AHNAK2: variants seen among roughly 807,000 people sequenced by gnomAD.
AHNAK2 encodes AHNAK nucleoprotein 2.
In AHNAK2, 18 loss-of-function variants were observed where a neutral mutation model predicts 30.7. That is an observed-to-expected ratio of 0.59 (90% confidence interval 0.41 to 0.87). AHNAK2 has a LOEUF of 0.87. Among genes scored for constraint, AHNAK2 ranks in the 40% least tolerant of loss-of-function variants. The pLI, the probability that AHNAK2 is intolerant of heterozygous loss-of-function variation, is 0.00. For synonymous variants in AHNAK2, 3,590 were observed against 3,073.8 expected, an observed-to-expected ratio of 1.17 and a Z score of -5.56; for missense variants, 8,604 against 7,373.0, an observed-to-expected ratio of 1.17 and a Z score of -6.11.
intron 5 of AHNAK2, 128 bp from the exon 6 acceptor site, chr14:104,955,269 GT>G (rs1898938084): frequency 7.7e-7 from 1 of 1,304,492 alleles, no homozygotes; most frequent in South Asian, 1.4e-5. Flanking sequence ...TGCCCCACCA[GT>G]CCCCCACTGA....
chr14:104,974,429 G>A (rs138459237), intron 1 of AHNAK2, among the ~76,000 whole-genome samples: 44 of 152,352 alleles, frequency 2.9e-4, no homozygotes, highest in Middle Eastern at 3.4e-3. Flanking sequence ...CCCCGTCCCA[G>A]ATGCACTGGG....
At position 104,950,064 on chromosome 14, in the gene AHNAK2, G is replaced by T; in HGVS notation, c.5387C>A (p.Pro1796Gln). 1.3e-6 allele frequency: 2 copies of T among 1,585,958 alleles called. No homozygotes were observed. The highest frequency in any genetic ancestry group is 1.7e-6 in the Non-Finnish European group (2 of 1,162,688). Residue 1796 changes from proline (P) to glutamine (Q), a missense_variant, in exon 7 of 7, where the codon CCA becomes CAA. Pro to Gln is a moderately conservative substitution (Grantham distance 76). Transcript: ENST00000333244. ...LPSVEVDVEA[P>Q]GAKLDSVRLE... ...CCGCACACTGTCCAGCTTGGCTCCT[G>T]GAGCCTCGACGTCCACCTCCACGCT...
chr14:104,963,373 G>A (rs750955852), intron 1 of AHNAK2, among the ~76,000 whole-genome samples: 23 of 152,230 alleles, frequency 1.5e-4, no homozygotes, highest in Middle Eastern at 3.4e-3. Flanking sequence ...ATTAATCTTC[G>A]CCCCACCTCA....
Position 104,940,098 on chromosome 14 carries a change from G to A in AHNAK2, c.15353C>T (p.Ala5118Val), listed in dbSNP as rs1897934058. ...ATCATGTTTGGGAAGAGGCAGGTCA[G>A]CTTCAGGCTGGCTCACCTCCACCTT... is the stretch of plus-strand genomic sequence containing the variant. ...KAKVEVSQPE[A>V]DLPLPKHDLS... The change falls in exon 7 of 7, where the codon GCT becomes GTT. Residue 5118 changes from alanine to valine, a missense_variant. Transcript: ENST00000333244. This position sits in a 1 kb window ranked among gnomAD's most constrained non-coding sequence, Gnocchi z 4.4. 2 of 1,613,134 alleles carry A rather than the reference G, an allele frequency of 1.2e-6. No individual in the cohort carries two copies. The highest frequency in any genetic ancestry group is 8.5e-7 in the Non-Finnish European group (1 of 1,179,892).
Position 104,952,275 on chromosome 14 carries a change from G to C in AHNAK2, c.3176C>G (p.Ala1059Gly), listed in dbSNP as rs779782626. The C allele has an allele frequency of 6.2e-7, 1 of 1,612,604 alleles. No individual in the cohort carries two copies. The highest frequency in any genetic ancestry group is 8.5e-7 in the Non-Finnish European group (1 of 1,179,624). ...QPASTDLKVQ[A>G]DQVDVKLPEG... Reference sequence around the variant, plus strand: ...CGGGAGCTTCACATCCACCTGGTCAGCCTGGACCTTCAGGTCAGTAGAAGC... The same window carrying C: ...CGGGAGCTTCACATCCACCTGGTCACCCTGGACCTTCAGGTCAGTAGAAGC... The change falls in exon 7 of 7, where the codon GCT becomes GGT. Residue 1059 changes from alanine (A) to glycine (G), a missense_variant. Ala to Gly is a moderately conservative substitution (Grantham distance 60). Coordinates refer to ENST00000333244, the MANE Select transcript of AHNAK2 (RefSeq NM_138420.4).
rs769617100 is a variant in AHNAK2, at chr14:104,945,497, G to A, written c.9954C>T (p.Tyr3318=). 6 of 1,613,172 alleles carry A rather than the reference G, an allele frequency of 3.7e-6. No homozygotes were observed. In the Admixed American group the frequency reaches 1.0e-4, roughly 27 times the overall value. Residue 3318 remains tyrosine (Y), a synonymous_variant, in exon 7 of 7, where the codon TAC becomes TAT. Transcript: ENST00000333244. Reference sequence around the variant, plus strand: ...TGGACTTGCCTGGGGCAGACGCCCTGTACGACGGCATCTTGAATTTGGGCA... The same window carrying A: ...TGGACTTGCCTGGGGCAGACGCCCTATACGACGGCATCTTGAATTTGGGCA... ...FKMPKFKMPS[Y]RASAPGKSIQ...
rs1449286713 is a variant in AHNAK2 at position 104,948,544 on chromosome 14, C to A, written c.6907G>T (p.Asp2303Tyr). 5.6e-6 allele frequency: 9 copies of A among 1,612,184 alleles called. No individual in the cohort carries two copies. The highest frequency in any genetic ancestry group is 7.6e-6 in the Non-Finnish European group (9 of 1,179,680). The change falls in exon 7 of 7, where the codon GAC (aspartate) becomes TAC (tyrosine). Residue 2303 changes from aspartate to tyrosine, a missense_variant. Physicochemically the swap from Asp to Tyr is radical, Grantham distance 160. Transcript: ENST00000333244. ...ACGTCCTTGTCGGCCAGGGACATGT[C>A]CCCCTCCAGCCGCGCACCATCCAGC... ...AKLDGARLEG[D>Y]MSLADKDVTA...
In AHNAK2 at chr14:104,949,882, C is replaced by G. The variant is rs201867624; in HGVS notation, c.5569G>C (p.Val1857Leu). 108 of 1,587,518 alleles carry G rather than the reference C, an allele frequency of 6.8e-5. 13 individuals are homozygous for G. The highest frequency in any genetic ancestry group is 3.3e-4 in the Admixed American group (19 of 57,624). The change falls in exon 7 of 7, where the codon GTG becomes CTG. Residue 1857 changes from valine (V) to leucine (L), a missense_variant. Coordinates refer to ENST00000333244, the MANE Select transcript of AHNAK2 (RefSeq NM_138420.4). ...DVSAPKVEAEVSLPSMQGDLK... is the reference protein window; with the variant it reads ...DVSAPKVEAELSLPSMQGDLK... Reference sequence around the variant, plus strand: ...TCCCCCTGCATGGAGGGGAGGCTCACTTCGGCCTCCACCTTCGGCGCAGAC... The same window carrying G: ...TCCCCCTGCATGGAGGGGAGGCTCAGTTCGGCCTCCACCTTCGGCGCAGAC...
rs562346413 is a variant in AHNAK2 at position 104,950,928 on chromosome 14, G to A, written c.4523C>T (p.Pro1508Leu). 1.3e-4 allele frequency: 199 copies of A among 1,553,710 alleles called. 17 individuals carry two copies. The highest frequency in any genetic ancestry group is 9.8e-4 in the South Asian group (87 of 88,410). The change falls in exon 7 of 7, where the codon CCA becomes CTA. Residue 1508 changes from proline to leucine, a missense_variant. Pro to Leu is a moderately conservative substitution (Grantham distance 98). Coordinates refer to ENST00000333244, the MANE Select transcript of AHNAK2 (RefSeq NM_138420.4). ...CACTGAGGCCTCGATGGACTTGCCT[G>A]GGGCAGACACCCCGAACGACGGCAT... ...FKMPSFGVSA[P>L]GKSIEASVDV... is the part of the protein sequence containing the mutation.
chr14:104,955,211 T>A, intron 5 of AHNAK2, 70 bp from the exon 6 acceptor site: 4 of 1,518,286 alleles, frequency 2.6e-6, no homozygotes, highest in Non-Finnish European at 2.7e-6. Flanking sequence ...TTGCCTTGGC[T>A]GGCGAGGAGG....
Position 104,947,534 on chromosome 14 carries a change from C to A in AHNAK2, c.7917G>T (p.Lys2639Asn). ...ACTTGCTATCTTTGGCTGTCACACC[C>A]TTGTCGGCCAGGGACAGGTCCCCCT... ...RLEGDLSLAD[K>N]GVTAKDSKFK... The change falls in exon 7 of 7, where the codon AAG becomes AAT. Residue 2639 changes from lysine (K) to asparagine (N), a missense_variant. Transcript: ENST00000333244. 1 of 1,612,624 alleles carries A rather than the reference C, an allele frequency of 6.2e-7. No individual in the cohort carries two copies. Among genetic ancestry groups the A allele is most frequent in the Non-Finnish European group, 8.5e-7 (1 of 1,179,614 alleles).
Position 104,949,430 on chromosome 14 carries a change from G to C in AHNAK2, c.6021C>G (p.Ile2007Met), listed in dbSNP as rs181281645. Residue 2007 changes from isoleucine (I) to methionine (M), a missense_variant, in exon 7 of 7, where the codon ATC becomes ATG. By Grantham distance (10) the Ile-to-Met change is conservative (BLOSUM62 1). Coordinates refer to ENST00000333244, the MANE Select transcript of AHNAK2 (RefSeq NM_138420.4). Reference sequence around the variant, plus strand: ...GTGCAGGCACATCCACCGAGGCCTCGATGGACCTCCCTGGGGCCGATACCC... The same window carrying C: ...GTGCAGGCACATCCACCGAGGCCTCCATGGACCTCCCTGGGGCCGATACCC... The part of the protein sequence containing the change: ...SFGVSAPGRS[I>M]EASVDVPAPK... The C allele has an allele frequency of 2.1e-4, 337 of 1,587,306 alleles. 22 individuals carry two copies. Among genetic ancestry groups the C allele is most frequent in the African/African-American group, 1.9e-3 (143 of 73,578 alleles).
rs768692995 is a variant in AHNAK2 at position 104,952,074 on chromosome 14, A to T, written c.3377T>A (p.Leu1126Gln). The change falls in exon 7 of 7, where the codon CTG becomes CAG. Residue 1126 changes from leucine (L) to glutamine (Q), a missense_variant. By Grantham distance (113) the Leu-to-Gln change is moderately radical. Transcript: ENST00000333244. ...EVTAPDVEVS[L>Q]PSVEVDVEAP... The stretch of plus-strand genomic sequence containing the variant: ...CTCGACGTCCACCTCCACGCTGGGC[A>T]GAGACACCTCCACATCAGGGGCTGT... 5 of 1,612,546 alleles carry T rather than the reference A, an allele frequency of 3.1e-6. No homozygotes were observed. The highest frequency in any genetic ancestry group is 1.3e-5 in the African/African-American group (1 of 74,280).
Position 104,946,686 on chromosome 14 carries a change from T to C in AHNAK2, c.8765A>G (p.Lys2922Arg), listed in dbSNP as rs372696524. 5 of 1,612,634 alleles carry C rather than the reference T, an allele frequency of 3.1e-6. No homozygotes were observed. The African/African-American group carries it at 4.0e-5, about 13-fold the overall frequency. The change falls in exon 7 of 7, where the codon AAG becomes AGG. Residue 2922 changes from lysine (K) to arginine (R), a missense_variant. Transcript: ENST00000333244. Reference sequence around the variant, plus strand: ...CGCCTTGGGGCCTTTCAGGTCCAGCTTGGGGCCCTTGACGTCTATCTGGGG... The same window carrying C: ...CGCCTTGGGGCCTTTCAGGTCCAGCCTGGGGCCCTTGACGTCTATCTGGGG... ...KGPQIDVKGP[K>R]LDLKGPKAEV...
rs749248609 is a variant in AHNAK2, at chr14:104,938,964, A to G, written c.16487T>C (p.Phe5496Ser). The change falls in exon 7 of 7, where the codon TTT becomes TCT. Residue 5496 changes from phenylalanine (F) to serine (S), a missense_variant. Coordinates refer to ENST00000333244, the MANE Select transcript of AHNAK2 (RefSeq NM_138420.4). ...EFVDLSVPRT[F>S]STQIVRESEI... ...TGATTCCCGCACAATCTGAGTGGAAAAAGTCCTGGGTACTGAGAGATCTAC... is the reference window on the plus strand; with the variant it reads ...TGATTCCCGCACAATCTGAGTGGAAGAAGTCCTGGGTACTGAGAGATCTAC... 4.3e-6 allele frequency: 7 copies of G among 1,613,216 alleles called. No individual in the cohort carries two copies. The highest frequency in any genetic ancestry group is 5.9e-6 in the Non-Finnish European group (7 of 1,179,766).
In AHNAK2 at chr14:104,952,343, G is replaced by A. The variant is rs1191127434; in HGVS notation, c.3108C>T (p.Ser1036=). The A allele has an allele frequency of 6.2e-7, 1 of 1,612,662 alleles. No individual in the cohort carries two copies. The highest frequency in any genetic ancestry group is 2.2e-5 in the East Asian group (1 of 44,770). ...PKVEADLSLP[S]MQGDLKTTDL... ...CAGTGGTCTTCAGGTCCCCCTGCAT[G>A]GAGGGGAGACTCAGGTCGGCCTCCA... The change falls in exon 7 of 7, where the codon TCC becomes TCT. Residue 1036 remains serine (S), a synonymous_variant. Transcript: ENST00000333244.
intron 1 of AHNAK2, among the ~76,000 whole-genome samples, chr14:104,972,866 A>G (rs1408514565): frequency 6.6e-6 from 1 of 152,176 alleles, no homozygotes; most frequent in African/African-American, 2.4e-5. Context: ...GGGTGCCCAC[A>G]GCACGGTGCA....
rs373733154 is a variant in AHNAK2 at position 104,948,640 on chromosome 14, C to T, written c.6811G>A (p.Glu2271Lys). The T allele has an allele frequency of 4.5e-5, 72 of 1,612,254 alleles. No individual in the cohort carries two copies. The highest frequency in any genetic ancestry group is 5.9e-5 in the Non-Finnish European group (70 of 1,179,754). ...PKLDLKDPKV[E>K]VTAPDVEVSL... ...ACCTCCACATCAGGGGCTGTCACTT[C>T]CACCTTGGGGTCTTTTAGGTCCAGC... The change falls in exon 7 of 7, where the codon GAA (glutamate) becomes AAA (lysine). Residue 2271 changes from glutamate to lysine, a missense_variant. Physicochemically the swap from Glu to Lys is moderately conservative, Grantham distance 56. Coordinates refer to ENST00000333244, the MANE Select transcript of AHNAK2 (RefSeq NM_138420.4).
intron 1 of AHNAK2, among the ~76,000 whole-genome samples, chr14:104,961,235 C>A (rs984737193): frequency 8.7e-5 from 13 of 149,786 alleles, no homozygotes; most frequent in African/African-American, 2.0e-4. Context: ...CTGTTGTGGG[C>A]CGGGCACGGT....
Sources: gnomAD v4.1 joint callset for allele counts (sites outside exome capture counted in the v4.1 genomes callset) on GRCh38, gnomAD v4.1.1 for gene constraint, Gnocchi (gnomAD v3.1) non-coding constraint, MANE v1.5 for transcripts, NCBI Gene and HGNC (gene_info 2026-07-23, HGNC 2026-07-21) for gene names.